Variants in EPHA5 observed in about 807,000 individuals in gnomAD.
EPHA5 encodes the protein ephrin type-A receptor 5.
In EPHA5, 60 loss-of-function variants were observed where a neutral mutation model predicts 105.0. The observed-to-expected ratio is 0.57, with a 90% CI of 0.46 to 0.71. The LOEUF is 0.71. EPHA5 is among the 30% of genes least tolerant of loss of function. The pLI, the probability that EPHA5 is intolerant of heterozygous loss-of-function variation, is 0.00. For missense variants in EPHA5, 1,218 were observed against 1,274.7 expected (o/e 0.96, Z 0.68); for synonymous variants, 513 against 449.1 (o/e 1.14, Z -1.80).
chr4:65,333,608 C>G (rs1342461920), intron 15 of EPHA5, among the ~76,000 whole-genome samples: 1 of 111,558 alleles, frequency 9.0e-6, no homozygotes, highest in Non-Finnish European at 1.8e-5. Context: ...CCTTTGCCTG[C>G]TAGTCTTTTT....
chr4:65,347,922 C>T (rs1722374949), intron 14 of EPHA5, 132 bp downstream of exon 14: 1 of 931,900 alleles, frequency 1.1e-6, no homozygotes. Flanking sequence ...CAACACAAAA[C>T]AGATCAGAGG....
At chr4:65,543,734 C>A (rs1737081159) in intron 3 of EPHA5, among the ~76,000 whole-genome samples, 1 of 151,692 alleles carries the variant, frequency 6.6e-6, no homozygotes, top group African/African-American at 2.4e-5. Flanking sequence ...TCTTAAAAGT[C>A]ATATGGAACA....
chr4:65,327,155 C>A (rs1720160128), intron 16 of EPHA5, among the ~76,000 whole-genome samples: 2 of 151,106 alleles, frequency 1.3e-5, no homozygotes, highest in South Asian at 4.2e-4. Flanking sequence ...CTATATCATA[C>A]TAAAGAATTG....
intron 3 of EPHA5, among the ~76,000 whole-genome samples, chr4:65,525,498 TG>T (rs1735146137): frequency 6.6e-6 from 1 of 151,864 alleles, no homozygotes; most frequent in African/African-American, 2.4e-5. Context: ...AGTCTCTTCC[TG>T]CTCTTAAATT....
At chr4:65,538,352 G>A (rs1423736361) in intron 3 of EPHA5, among the ~76,000 whole-genome samples, 1 of 151,710 alleles carries the variant, frequency 6.6e-6, no homozygotes, top group Non-Finnish European at 1.5e-5. Flanking sequence ...ATCAAAAATT[G>A]ATTATGTTAA....
At chr4:65,600,989 G>T (rs768530469) in intron 3 of EPHA5, among the ~76,000 whole-genome samples, 1 of 152,166 alleles carries the variant, frequency 6.6e-6, no homozygotes, top group African/African-American at 2.4e-5. Context: ...AGGGCAAATT[G>T]CTTTAAAATG....
intron 15 of EPHA5, among the ~76,000 whole-genome samples, chr4:65,334,803 A>C (rs551935866): frequency 6.7e-6 from 1 of 149,710 alleles, no homozygotes; most frequent in Non-Finnish European, 1.5e-5. Flanking sequence ...AATTTAGAAC[A>C]TAAGTTTTTT....
At chr4:65,473,114 A>C (rs1214932581) in intron 5 of EPHA5, among the ~76,000 whole-genome samples, 1 of 152,118 alleles carries the variant, frequency 6.6e-6, no homozygotes, top group Non-Finnish European at 1.5e-5. Context: ...CCAGTTCCCA[A>C]CAAGGTCCTC....
chr4:65,353,918 T>C (rs1179276864), intron 11 of EPHA5, among the ~76,000 whole-genome samples: 1 of 151,820 alleles, frequency 6.6e-6, no homozygotes, highest in Non-Finnish European at 1.5e-5. Context: ...CAGTCATTAA[T>C]TATGATGAAA....
intron 14 of EPHA5, among the ~76,000 whole-genome samples, chr4:65,343,531 A>G (rs548239280): frequency 6.6e-6 from 1 of 152,314 alleles, no homozygotes; most frequent in African/African-American, 2.4e-5. Context: ...TATGGAATAT[A>G]TCATTTGAAA....
chr4:65,614,363 G>C (rs1745038708), intron 2 of EPHA5, among the ~76,000 whole-genome samples: 1 of 151,800 alleles, frequency 6.6e-6, no homozygotes, highest in Non-Finnish European at 1.5e-5. Flanking sequence ...TCTAGTTATA[G>C]TAAAGAAACA....
At chr4:65,666,978 G>GCA (rs371222436) in intron 1 of EPHA5, among the ~76,000 whole-genome samples, 1 of 151,542 alleles carries the variant, frequency 6.6e-6, no homozygotes. Flanking sequence ...TTCATAATAC[G>GCA]CACACACACA....
intron 3 of EPHA5, among the ~76,000 whole-genome samples, chr4:65,560,603 C>T (rs577543550): frequency 6.6e-6 from 1 of 152,124 alleles, no homozygotes; most frequent in Admixed American, 6.6e-5. Flanking sequence ...TAGGGGAAGC[C>T]AATGCCATTT....
chr4:65,404,305 C>G (rs971681930), intron 8 of EPHA5, 69 bp downstream of exon 8: 199 of 1,341,824 alleles, frequency 1.5e-4, no homozygotes, highest in Non-Finnish European at 2.0e-4. Flanking sequence ...TGCTCAACAG[C>G]CAAATGGTCA....
At chr4:65,408,157 A>G (rs2149000605) in intron 7 of EPHA5, among the ~76,000 whole-genome samples, 1 of 152,266 alleles carries the variant, frequency 6.6e-6, no homozygotes, top group Admixed American at 6.5e-5. Flanking sequence ...CATTAATTAT[A>G]TTAACTCAGG....
intron 5 of EPHA5, among the ~76,000 whole-genome samples, chr4:65,425,994 G>A (rs4860181): frequency 0.099 from 15,116 of 152,050 alleles, 978 homozygotes; most frequent in Middle Eastern, 0.23. Flanking sequence ...GTATAACCGC[G>A]TCCACCCTCG....
chr4:65,500,008 A>G (rs1431348280), intron 3 of EPHA5, among the ~76,000 whole-genome samples: 2 of 151,384 alleles, frequency 1.3e-5, no homozygotes, highest in Admixed American at 6.6e-5. Context: ...CCATGAAGAT[A>G]CAAGTGTATT....
At chr4:65,619,183 C>A (rs1745499361) in intron 2 of EPHA5, among the ~76,000 whole-genome samples, 1 of 152,024 alleles carries the variant, frequency 6.6e-6, no homozygotes, top group Admixed American at 6.6e-5. Context: ...TTACAATCAG[C>A]TGGATGTTTA....
intron 3 of EPHA5, among the ~76,000 whole-genome samples, chr4:65,545,421 C>T (rs2149329805): frequency 6.6e-6 from 1 of 151,994 alleles, no homozygotes; most frequent in South Asian, 2.1e-4. Context: ...GACTAACACA[C>T]ATCTCAAAGC....
Sources: gnomAD v4.1 joint callset for allele counts (sites outside exome capture counted in the v4.1 genomes callset) on GRCh38, gnomAD v4.1.1 for gene constraint, MANE v1.5 for transcripts, NCBI Gene and HGNC (gene_info 2026-07-23, HGNC 2026-07-21) for gene names.